Variants in COL22A1 observed in about 807,000 individuals in gnomAD.
COL22A1 encodes collagen type XXII alpha 1 chain.
Under a neutral mutation model 248.9 loss-of-function variants are expected in COL22A1, and 221 were observed. The ratio of observed to expected loss-of-function variants is 0.89; its 90% confidence interval spans 0.80 to 0.99. The LOEUF (loss-of-function observed/expected upper bound fraction) is 0.99. COL22A1 is among the 50% of genes least tolerant of loss of function. COL22A1 has a pLI of 0.00. For missense variants in COL22A1, 2,240 were observed against 2,179.0 expected (o/e 1.03, Z -0.56); for synonymous variants, 891 against 793.4 (o/e 1.12, Z -2.07).
intron 3 of COL22A1, among the ~76,000 whole-genome samples, chr8:138,859,739 C>T (rs1004390877): frequency 6.6e-6 from 1 of 152,172 alleles, no homozygotes; most frequent in African/African-American, 2.4e-5. Flanking sequence ...GAGGTCACCT[C>T]TGAGGATCTG....
intron 3 of COL22A1, among the ~76,000 whole-genome samples, chr8:138,864,304 G>T (rs1404605524): frequency 6.6e-6 from 1 of 152,044 alleles, no homozygotes; most frequent in Non-Finnish European, 1.5e-5. Flanking sequence ...AGGGGCAGCT[G>T]TCTGTCAGGT....
intron 25 of COL22A1, among the ~76,000 whole-genome samples, chr8:138,724,206 G>A (rs1320252994): frequency 6.6e-6 from 1 of 152,200 alleles, no homozygotes; most frequent in South Asian, 2.1e-4. Context: ...GTTTGCAAGG[G>A]AGAAAACATG....
At position 138,703,495 on chromosome 8, in the gene COL22A1, G is replaced by C; in HGVS notation, c.2518-148C>G. ...GGTAGGTGCACCCTGCACCTACCTT[G>C]ATAGATACATACATACATAATTACA... On this transcript the variant is annotated intron_variant, in intron 30 of 64. Coordinates refer to ENST00000303045, the MANE Select transcript of COL22A1 (RefSeq NM_152888.3). The C allele has an allele frequency of 7.9e-6, 5 of 635,750 alleles. No individual in the cohort carries two copies. The South Asian group carries it at 9.3e-5, about 12-fold the overall frequency. The allele number at this position is 635,750 out of a possible 1,614,324, so 39.4% of individuals were successfully genotyped here.
chr8:138,754,222 A>G (rs933639156), intron 21 of COL22A1, among the ~76,000 whole-genome samples: 4 of 151,460 alleles, frequency 2.6e-5, no homozygotes, highest in African/African-American at 4.9e-5. Flanking sequence ...ATATTGGAAC[A>G]CACTGCATTC....
intron 22 of COL22A1, among the ~76,000 whole-genome samples, chr8:138,749,416 T>C (rs1175925335): frequency 6.6e-6 from 1 of 152,228 alleles, no homozygotes; most frequent in Admixed American, 6.5e-5. Flanking sequence ...AACTCTACTT[T>C]GGAAAAATAA....
intron 26 of COL22A1, among the ~76,000 whole-genome samples, 174 bp from the exon 27 acceptor site, chr8:138,720,966 C>T (rs1471433313): frequency 3.1e-4 from 47 of 152,138 alleles, no homozygotes; most frequent in Admixed American, 3.1e-3. Flanking sequence ...CTCATTCAGC[C>T]TCCTAGGTTC....
Position 138,589,189 on chromosome 8 carries a change from T to C in COL22A1, c.*64A>G. On this transcript the variant is annotated 3_prime_UTR_variant, in exon 65 of 65. Coordinates refer to ENST00000303045, the MANE Select transcript of COL22A1 (RefSeq NM_152888.3). The stretch of plus-strand genomic sequence containing the variant: ...CTGAAGTCTTTCAAGACCTCTGGCT[T>C]CCCACTGGGCTCTGAGTTCAAGTTT... The C allele has an allele frequency of 2.0e-6, 3 of 1,497,932 alleles. No individual in the cohort carries two copies. The highest frequency in any genetic ancestry group is 2.8e-6 in the Non-Finnish European group (3 of 1,090,098). The allele number at this position is 1,497,932 out of a possible 1,614,324, so 92.8% of individuals were successfully genotyped here. A position where few individuals can be genotyped will look rare whatever the true frequency, so the allele number is the denominator to read the frequency against.
chr8:138,602,875 C>T (rs1437995060), intron 59 of COL22A1, among the ~76,000 whole-genome samples: 1 of 152,246 alleles, frequency 6.6e-6, no homozygotes, highest in African/African-American at 2.4e-5. Flanking sequence ...AGTGTCCATT[C>T]TCACGCATGG....
At chr8:138,772,998 G>A (rs899007110) in intron 16 of COL22A1, among the ~76,000 whole-genome samples, 1 of 152,350 alleles carries the variant, frequency 6.6e-6, no homozygotes, top group Non-Finnish European at 1.5e-5. Context: ...GCCGCGTGTG[G>A]CCTAGCTGCA....
intron 3 of COL22A1, among the ~76,000 whole-genome samples, chr8:138,864,426 A>G (rs947167761): frequency 1.3e-5 from 2 of 151,664 alleles, no homozygotes; most frequent in African/African-American, 4.8e-5. Context: ...CAGGCCGCGG[A>G]CTGGGGCTGG....
intron 1 of COL22A1, among the ~76,000 whole-genome samples, chr8:138,883,907 G>T (rs1563885300): frequency 6.6e-6 from 1 of 152,240 alleles, no homozygotes; most frequent in East Asian, 1.9e-4. Context: ...AAATCGTTCA[G>T]TGTCACCGTC....
In COL22A1 at chr8:138,782,521, G is replaced by T. The variant is rs181546248; in HGVS notation, c.1597-1541C>A. Among the ~76,000 whole-genome samples, 77 of 152,310 alleles carry T rather than the reference G, an allele frequency of 5.1e-4. 1 individual carries two copies. The highest frequency in any genetic ancestry group is 1.5e-3 in the Admixed American group (23 of 15,306). ...AGTAATTCCAAGTCTAGGCATGGGG[G>T]ATATGGTGGTGGCAGGCACCTATAA... On this transcript the variant is annotated intron_variant, in intron 12 of 64. Transcript: ENST00000303045.
chr8:138,622,188 G>A (rs527621491), intron 52 of COL22A1, among the ~76,000 whole-genome samples: 1 of 152,130 alleles, frequency 6.6e-6, no homozygotes, highest in East Asian at 1.9e-4. Context: ...CTACAACTAG[G>A]GCAGCTGGGA....
chr8:138,626,823 A>G (rs1820285533), intron 50 of COL22A1, among the ~76,000 whole-genome samples: 1 of 152,212 alleles, frequency 6.6e-6, no homozygotes, highest in Non-Finnish European at 1.5e-5. Flanking sequence ...TCATTAATTA[A>G]TATTTTATTT....
At chr8:138,797,208 T>C (rs1816622934) in intron 11 of COL22A1, among the ~76,000 whole-genome samples, 1 of 152,194 alleles carries the variant, frequency 6.6e-6, no homozygotes, top group Non-Finnish European at 1.5e-5. Context: ...TTTTAGAATA[T>C]TTTTATCACC....
Position 138,623,731 on chromosome 8 carries a change from C to T in COL22A1, c.3771+1G>A, listed in dbSNP as rs1820017011. Reference sequence around the variant, plus strand: ...ATAATAGGAAGTTTAGAGTCCTTTACCGGCTCTCCAGGGGGACCCGGCTTT... The same window carrying T: ...ATAATAGGAAGTTTAGAGTCCTTTATCGGCTCTCCAGGGGGACCCGGCTTT... On this transcript the variant is annotated splice_donor_variant, in intron 52 of 64. Transcript: ENST00000303045. LOFTEE classifies it high-confidence loss of function. The T allele has an allele frequency of 6.2e-7, 1 of 1,610,714 alleles. No homozygotes were observed. Among genetic ancestry groups the T allele is most frequent in the Non-Finnish European group, 8.5e-7 (1 of 1,178,764 alleles).
At chr8:138,632,160 G>C (rs544260655) in intron 49 of COL22A1, among the ~76,000 whole-genome samples, 1 of 152,114 alleles carries the variant, frequency 6.6e-6, no homozygotes, top group South Asian at 2.1e-4. Context: ...GAGCAATGCG[G>C]CAATGCTTAC....
intron 41 of COL22A1, among the ~76,000 whole-genome samples, chr8:138,673,762 T>G (rs1359138184): frequency 6.6e-6 from 1 of 151,896 alleles, no homozygotes; most frequent in Non-Finnish European, 1.5e-5. Flanking sequence ...AGTGGACAGG[T>G]CAGTTCCCTC....
chr8:138,789,647 A>G (rs917589802), intron 12 of COL22A1, among the ~76,000 whole-genome samples: 5 of 152,252 alleles, frequency 3.3e-5, no homozygotes, highest in African/African-American at 1.2e-4. Context: ...CCCAGAAATC[A>G]GCATCACATT....
Sources: gnomAD v4.1 joint callset for allele counts (sites outside exome capture counted in the v4.1 genomes callset) on GRCh38, gnomAD v4.1.1 for gene constraint, MANE v1.5 for transcripts, NCBI Gene and HGNC (gene_info 2026-07-23, HGNC 2026-07-21) for gene names.